Variants in DLG5 observed in about 807,000 individuals in gnomAD.
DLG5 encodes discs large MAGUK scaffold protein 5.
In DLG5, 48 loss-of-function variants were observed where a neutral mutation model predicts 189.8. The ratio of observed to expected loss-of-function variants is 0.25; its 90% CI spans 0.20 to 0.32. The LOEUF (loss-of-function observed/expected upper bound fraction) is 0.32. Ranked by LOEUF, DLG5 falls within the 10% of genes least tolerant of loss-of-function variation. The pLI is 1.00. For synonymous variants in DLG5, 1,016 were observed against 1,054.1 expected (o/e 0.96, Z 0.70); for missense variants, 2,160 against 2,544.7 (o/e 0.85, Z 3.25).
chr10:77,892,943 C>G (rs373094418), intron 1 of DLG5, among the ~76,000 whole-genome samples: 5 of 152,218 alleles, frequency 3.3e-5, no homozygotes, highest in Admixed American at 1.3e-4. Flanking sequence ...TCAGACTAAA[C>G]GCAGTAGGTA....
chr10:77,880,595 C>T (rs1845248688), intron 1 of DLG5, among the ~76,000 whole-genome samples: 1 of 152,160 alleles, frequency 6.6e-6, no homozygotes, highest in Admixed American at 6.5e-5. Context: ...CCTGATCAAG[C>T]TGAATCTGCA....
intron 5 of DLG5, among the ~76,000 whole-genome samples, chr10:77,847,916 A>G (rs1483583909): frequency 6.6e-6 from 1 of 152,098 alleles, no homozygotes; most frequent in Non-Finnish European, 1.5e-5. Context: ...TATGTTGCCC[A>G]GGCTGGTCTT....
chr10:77,886,652 G>A (rs1165064551), intron 1 of DLG5, among the ~76,000 whole-genome samples: 2 of 152,178 alleles, frequency 1.3e-5, no homozygotes, highest in Non-Finnish European at 2.9e-5. Flanking sequence ...AACGCGCCCT[G>A]CCAGTAATGC....
intron 1 of DLG5, among the ~76,000 whole-genome samples, chr10:77,915,753 C>T (rs964232679): frequency 2.0e-5 from 3 of 152,154 alleles, no homozygotes; most frequent in Admixed American, 6.6e-5. Flanking sequence ...CTTGTTATCC[C>T]GGATTTGAGA....
chr10:77,866,233 C>A (rs2154576981), intron 2 of DLG5, among the ~76,000 whole-genome samples: 1 of 152,330 alleles, frequency 6.6e-6, no homozygotes, highest in East Asian at 1.9e-4. Flanking sequence ...TGGTACAAGC[C>A]TGGTACAGAC....
intron 1 of DLG5, among the ~76,000 whole-genome samples, chr10:77,883,420 C>G (rs1845342418): frequency 6.6e-6 from 1 of 151,854 alleles, no homozygotes; most frequent in Non-Finnish European, 1.5e-5. Context: ...AAAGAAAATC[C>G]CTGTGAAGAC....
intron 17 of DLG5, 38 bp downstream of exon 17, chr10:77,819,283 A>C: frequency 6.2e-7 from 1 of 1,613,188 alleles, no homozygotes; most frequent in East Asian, 2.2e-5. Context: ...AGGCTTGGGC[A>C]GCTGGAGTAC....
chr10:77,834,504 C>T (rs1225972875), intron 8 of DLG5, among the ~76,000 whole-genome samples: 2 of 152,184 alleles, frequency 1.3e-5, no homozygotes, highest in Non-Finnish European at 1.5e-5. Context: ...TACCCTGCAA[C>T]TAGGAAGGGA....
chr10:77,896,144 C>CAAA (rs5786310), intron 1 of DLG5, among the ~76,000 whole-genome samples: 20 of 146,638 alleles, frequency 1.4e-4, no homozygotes, highest in African/African-American at 5.0e-4. Context: ...GACTGTGTCT[C>CAAA]AAAAAAAAAA....
At chr10:77,822,678 A>T (rs560377221) in intron 14 of DLG5, among the ~76,000 whole-genome samples, 11 of 152,218 alleles carry the variant, frequency 7.2e-5, no homozygotes, top group African/African-American at 2.6e-4. Context: ...TGTCTTGAAT[A>T]TTTTTTTTAA....
In DLG5 at chr10:77,835,822, A is replaced by T. The variant is rs760810402; in HGVS notation, c.1538T>A (p.Leu513His). ...GCACTTGGCCACATCCGCCTCCTGG[A>T]GGGCTTCCTTCAGCTCCTGGCACAG... is the stretch of plus-strand genomic sequence containing the variant. ...KALCQELKEALQEADVAKCRR... is the reference protein window; with the variant it reads ...KALCQELKEAHQEADVAKCRR... Residue 513 changes from leucine (L) to histidine (H), a missense_variant, in exon 8 of 32, where the codon CTC becomes CAC. Coordinates refer to ENST00000372391, the MANE Select transcript of DLG5 (RefSeq NM_004747.4). The T allele has an allele frequency of 6.2e-7, 1 of 1,614,038 alleles. No homozygotes were observed. The highest frequency in any genetic ancestry group is 1.1e-5 in the South Asian group (1 of 91,084).
At chr10:77,923,850 A>C (rs1024449898) in intron 1 of DLG5, among the ~76,000 whole-genome samples, 8 of 149,418 alleles carry the variant, frequency 5.4e-5, no homozygotes, top group African/African-American at 2.0e-4. Context: ...GCCATACCAA[A>C]TGCTGTCCTA....
intron 1 of DLG5, among the ~76,000 whole-genome samples, chr10:77,888,511 A>T (rs1182422346): frequency 1.3e-5 from 2 of 152,202 alleles, no homozygotes; most frequent in African/African-American, 4.8e-5. Context: ...AAATGTGTTA[A>T]TATTCATCAG....
At chr10:77,806,636 A>C (rs540339364) in intron 26 of DLG5, 122 bp downstream of exon 26, 25 of 1,334,680 alleles carry the variant, frequency 1.9e-5, no homozygotes, top group Non-Finnish European at 2.4e-5. Flanking sequence ...AGAAGCTAAG[A>C]TAAGAAGCAG....
At chr10:77,928,270 G>T (rs1266260568), upstream of DLG5, 2 of 152,218 alleles carry the variant, frequency 1.3e-5, no homozygotes, top group African/African-American at 4.8e-5. Flanking sequence ...GGATGTCAAT[G>T]AAGCTTTTGA....
upstream of DLG5, among the ~76,000 whole-genome samples, chr10:77,930,050 G>T (rs1846771916): frequency 6.6e-6 from 1 of 152,166 alleles, no homozygotes; most frequent in Admixed American, 6.5e-5. Flanking sequence ...AGAGCTCCTT[G>T]TCTTTAAGGA....
At chr10:77,891,694 G>A (rs1845614308) in intron 1 of DLG5, among the ~76,000 whole-genome samples, 1 of 151,740 alleles carries the variant, frequency 6.6e-6, no homozygotes, top group African/African-American at 2.4e-5. Flanking sequence ...CACTCCCACA[G>A]GACATCACAA....
Position 77,805,863 on chromosome 10 carries a change from T to C in DLG5, c.4968-2A>G, listed in dbSNP as rs1454000571. ...CTCCTGGAGAATTCTTGGTCCATCC[T>C]GTGGCACAGGGGACAATGCTGGGCA... On this transcript the variant is annotated splice_acceptor_variant, in intron 26 of 31. Transcript: ENST00000372391. LOFTEE classifies it high-confidence loss of function. 6.2e-7 allele frequency: 1 copy of C among 1,611,200 alleles called. No individual in the cohort carries two copies. Among genetic ancestry groups the C allele is most frequent in the Admixed American group, 1.7e-5 (1 of 59,908 alleles).
chr10:77,900,201 T>C (rs372370790), intron 1 of DLG5, among the ~76,000 whole-genome samples: 101 of 152,226 alleles, frequency 6.6e-4, no homozygotes, highest in African/African-American at 2.4e-3. Context: ...CAGAAGCAGA[T>C]TTGGAGGCCA....
Sources: gnomAD v4.1 joint callset for allele counts (sites outside exome capture counted in the v4.1 genomes callset) on GRCh38, gnomAD v4.1.1 for gene constraint, MANE v1.5 for transcripts, NCBI Gene and HGNC (gene_info 2026-07-23, HGNC 2026-07-21) for gene names.